The following RAB13 variants were observed in gnomAD, a reference collection of about 807,000 sequenced individuals.
RAB13 encodes the protein RAB13, member RAS oncogene family, also known as ras-related protein Rab-13.
Under a neutral mutation model 29.3 loss-of-function variants are expected in RAB13, and 15 were observed. That is an observed-to-expected ratio of 0.51 (90% confidence interval 0.34 to 0.79). The LOEUF is 0.79. RAB13 is among the 30% of genes least tolerant of loss of function. The pLI is 0.01. For missense variants in RAB13, 186 were observed against 255.5 expected (o/e 0.73, Z 1.85); for synonymous variants, 82 against 93.8 (o/e 0.87, Z 0.73).
At chr1:153,985,083 A>G in intron 1 of RAB13, 3 of 1,111,468 alleles carry the variant, frequency 2.7e-6, no homozygotes, top group Non-Finnish European at 3.3e-6. Context: ...ACCAGCTGAC[A>G]ACTCTCTGAA....
Position 153,982,794 on chromosome 1 carries a change from C to T in RAB13, c.339G>A (p.Gly113=). 6.2e-7 allele frequency: 1 copy of T among 1,614,152 alleles called. No individual in the cohort carries two copies. Among genetic ancestry groups the T allele is most frequent in the Non-Finnish European group, 8.5e-7 (1 of 1,180,036 alleles). Residue 113 remains glycine, a synonymous_variant, in exon 5 of 8, where the codon GGG becomes GGA. Transcript: ENST00000368575. ...MKSIKENASA[G]VERLLLGNKC... ...TGTTCCCCAGCAAGAGGCGCTCCACCCCAGCCGAGGCATTCTGGGGGCAAA... is the reference window on the plus strand; with the variant it reads ...TGTTCCCCAGCAAGAGGCGCTCCACTCCAGCCGAGGCATTCTGGGGGCAAA...
At position 153,984,763 on chromosome 1, in the gene RAB13, C is replaced by T. The variant is rs979456305; in HGVS notation, c.143G>A (p.Arg48His). The change falls in exon 2 of 8, where the codon CGC (arginine) becomes CAC (histidine). Residue 48 changes from arginine to histidine, a missense_variant. Arg to His is a conservative substitution (Grantham distance 29, BLOSUM62 0). Coordinates refer to ENST00000368575, the MANE Select transcript of RAB13 (RefSeq NM_002870.5). ...CTTCTTCCCCTCTATATCCACAGTG[C>T]GGATCTTGAAATCAATTCCTAGGGG... ...ISTIGIDFKI[R>H]TVDIEGKKIK... is the part of the protein sequence containing the mutation. The T allele has an allele frequency of 3.7e-6, 6 of 1,612,964 alleles. No homozygotes were observed. Among genetic ancestry groups the T allele is most frequent in the African/African-American group, 1.3e-5 (1 of 74,980 alleles).
upstream of RAB13, among the ~76,000 whole-genome samples, chr1:153,987,674 T>C (rs1350502273): frequency 6.8e-6 from 1 of 146,948 alleles, no homozygotes; most frequent in Non-Finnish European, 1.5e-5. Context: ...TTGCGGTGGC[T>C]CACACTTGTA....
rs1331951259 is a variant in RAB13, at chr1:153,982,105, C to T, written c.606G>A (p.Leu202=). The change falls in exon 8 of 8, where the codon CTG becomes CTA. Residue 202 remains leucine, a synonymous_variant. Coordinates refer to ENST00000368575, the MANE Select transcript of RAB13 (RefSeq NM_002870.5). ...GGGAGGCAAGAAAGGGTCCTCAGCC[C>T]AGGGAGCACTTGTTGGTGTTCTTCT... is the stretch of plus-strand genomic sequence containing the variant. ...CDKKNTNKCS[L]G The T allele has an allele frequency of 6.2e-7, 1 of 1,613,578 alleles. No individual in the cohort carries two copies.
intron 2 of RAB13, among the ~76,000 whole-genome samples, chr1:153,984,078 G>A (rs1280851360): frequency 6.6e-6 from 1 of 150,918 alleles, no homozygotes; most frequent in Non-Finnish European, 1.5e-5. Flanking sequence ...TTGGGAGGCT[G>A]AGGTCGGAGA....
rs1451792952 is a variant in RAB13 at position 153,983,228 on chromosome 1, G to A, written c.315C>T (p.Ser105=). The change falls in exon 4 of 8, where the codon AGC becomes AGT. Residue 105 remains serine (S), a synonymous_variant. Coordinates refer to ENST00000368575, the MANE Select transcript of RAB13 (RefSeq NM_002870.5). The stretch of plus-strand genomic sequence containing the variant: ...TTTGGAGGGTCCTCACCTCCTTGAT[G>A]CTTTTCATCCAGTTCTGAATATTCT... ...SFENIQNWMK[S]IKENASAGVE... 1 of 1,613,180 alleles carries A rather than the reference G, an allele frequency of 6.2e-7. No individual in the cohort carries two copies. Among genetic ancestry groups the A allele is most frequent in the Non-Finnish European group, 8.5e-7 (1 of 1,179,164 alleles).
In RAB13 at chr1:153,982,068, G is replaced by C; in HGVS notation, c.*31C>G. 2 of 1,595,028 alleles carry C rather than the reference G, an allele frequency of 1.3e-6. No homozygotes were observed. The highest frequency in any genetic ancestry group is 2.2e-5 in the South Asian group (2 of 90,644). Reference sequence around the variant, plus strand: ...TCTGCCGTTGTCTCCCTCAGGTTCAGCTTCCGGGGTGGGGAGGCAAGAAAG... The same window carrying C: ...TCTGCCGTTGTCTCCCTCAGGTTCACCTTCCGGGGTGGGGAGGCAAGAAAG... On this transcript the variant is annotated 3_prime_UTR_variant, in exon 8 of 8. Transcript: ENST00000368575.
At chr1:153,988,521 G>A (rs978658136), upstream of RAB13, among the ~76,000 whole-genome samples, 2 of 148,746 alleles carry the variant, frequency 1.3e-5, no homozygotes, top group African/African-American at 4.9e-5. Context: ...TTGATCTCCT[G>A]ACCTCGTGAT....
At position 153,986,323 on chromosome 1, in the gene RAB13, G is replaced by C; in HGVS notation, c.-87C>G. On this transcript the variant is annotated 5_prime_UTR_variant, in exon 1 of 8. Transcript: ENST00000368575. ...GACGGTTGGCAAACAGAGCGGCACG[G>C]AGCCCAGGCCAGGAAGAAGTTTTCC... 8.8e-7 allele frequency: 1 copy of C among 1,132,748 alleles called. No individual in the cohort carries two copies. The highest frequency in any genetic ancestry group is 1.3e-6 in the Non-Finnish European group (1 of 772,650). 70.2% of individuals were successfully genotyped at this position (1,132,748 alleles called of 1,614,324 possible).
chr1:153,988,355 G>A (rs1283525258), upstream of RAB13, among the ~76,000 whole-genome samples: 1 of 143,882 alleles, frequency 7.0e-6, no homozygotes, highest in Non-Finnish European at 1.5e-5. Flanking sequence ...GTGCAGTGGC[G>A]CGATCTCGGT....
chr1:153,985,023 T>G, intron 1 of RAB13: 1 of 1,231,608 alleles, frequency 8.1e-7, no homozygotes, highest in East Asian at 4.5e-5. Flanking sequence ...ACGAAAATTC[T>G]GCATGGAGGC....
chr1:153,981,934 C>CT lies in RAB13; in HGVS notation c.*164dup. On this transcript the variant is annotated 3_prime_UTR_variant, in exon 8 of 8. Transcript: ENST00000368575. ...CTCCCTTCTCCCTTCCTCTCTCTTCCTTTTTTTCCTTTCTGCTTTTCCCTT... is the reference window on the plus strand; with the variant it reads ...CTCCCTTCTCCCTTCCTCTCTCTTCCTTTTTTTTCCTTTCTGCTTTTCCCTT... 1 of 646,282 alleles carries CT rather than the reference C, an allele frequency of 1.5e-6. No homozygotes were observed. 40.0% of individuals were successfully genotyped at this position (646,282 alleles called of 1,614,324 possible).
chr1:153,986,302 G>C lies in RAB13; in HGVS notation c.-66C>G. On this transcript the variant is annotated 5_prime_UTR_variant, in exon 1 of 8. Coordinates refer to ENST00000368575, the MANE Select transcript of RAB13 (RefSeq NM_002870.5). ...CGGCACTGGTAGGCGGGACTGGACG[G>C]TTGGCAAACAGAGCGGCACGGAGCC... 7.2e-7 allele frequency: 1 copy of C among 1,387,608 alleles called. No homozygotes were observed. The allele number at this position is 1,387,608 out of a possible 1,614,324, so 86.0% of individuals were successfully genotyped here. A position where few individuals can be genotyped will look rare whatever the true frequency, so the allele number is the denominator to read the frequency against.
Position 153,981,910 on chromosome 1 carries a change from T to G in RAB13, c.*189A>C. ...CTTTCACTTCCTCAATTCATTCCTCTCCCTTCTCCCTTCCTCTCTCTTCCT... is the reference window on the plus strand; with the variant it reads ...CTTTCACTTCCTCAATTCATTCCTCGCCCTTCTCCCTTCCTCTCTCTTCCT... On this transcript the variant is annotated 3_prime_UTR_variant, in exon 8 of 8. Coordinates refer to ENST00000368575, the MANE Select transcript of RAB13 (RefSeq NM_002870.5). The G allele has an allele frequency of 1.6e-6, 1 of 613,514 alleles. No homozygotes were observed. 38.0% of individuals were successfully genotyped at this position (613,514 alleles called of 1,614,324 possible). A position where few individuals can be genotyped will look rare whatever the true frequency, so the allele number is the denominator to read the frequency against.
intron 1 of RAB13, chr1:153,985,893 CT>C (rs1649148668): frequency 1.7e-6 from 1 of 594,842 alleles, no homozygotes; most frequent in South Asian, 3.2e-5. Flanking sequence ...AAATGAGGAG[CT>C]GGCAGCAGTT....
chr1:153,985,446 C>A (rs1395516142), intron 1 of RAB13: 34 of 918,706 alleles, frequency 3.7e-5, no homozygotes, highest in Non-Finnish European at 4.4e-5. Context: ...GCACCTCCCC[C>A]AAGCCTGCTG....
Position 153,986,257 on chromosome 1 carries a change from G to C in RAB13, c.-21C>G. 1 of 1,601,342 alleles carries C rather than the reference G, an allele frequency of 6.2e-7. No individual in the cohort carries two copies. The highest frequency in any genetic ancestry group is 8.5e-7 in the Non-Finnish European group (1 of 1,171,534). ...GCCATGGCGGACACCGGGGGAGCCG[G>C]GGGAGGGGTGGGGAGCGCCCGGCAC... On this transcript the variant is annotated 5_prime_UTR_variant, in exon 1 of 8. Transcript: ENST00000368575.
chr1:153,983,449 C>A, intron 3 of RAB13, 72 bp downstream of exon 3: 1 of 1,534,590 alleles, frequency 6.5e-7, no homozygotes, highest in Non-Finnish European at 9.0e-7. Flanking sequence ...TGCCCCAACC[C>A]CTGACCCTTT....
In RAB13 at chr1:153,982,330, C is replaced by T. The variant is rs1649006761; in HGVS notation, c.534+61G>A. The T allele has an allele frequency of 2.0e-6, 3 of 1,494,012 alleles. No individual in the cohort carries two copies. Among genetic ancestry groups the T allele is most frequent in the Non-Finnish European group, 9.2e-7 (1 of 1,083,610 alleles). The allele number at this position is 1,494,012 out of a possible 1,614,324, so 92.5% of individuals were successfully genotyped here. A position where few individuals can be genotyped will look rare whatever the true frequency, so the allele number is the denominator to read the frequency against. On this transcript the variant is annotated intron_variant, in intron 7 of 7. Coordinates refer to ENST00000368575, the MANE Select transcript of RAB13 (RefSeq NM_002870.5). The stretch of plus-strand genomic sequence containing the variant: ...ACACACACACACACACACACACACA[C>T]ACACATACATACACACACACACACC...
Sources: gnomAD v4.1 joint callset for allele counts (sites outside exome capture counted in the v4.1 genomes callset) on GRCh38, gnomAD v4.1.1 for gene constraint, MANE v1.5 for transcripts, NCBI Gene and HGNC (gene_info 2026-07-23, HGNC 2026-07-21) for gene names.